TBC1D5: variants seen among roughly 807,000 people sequenced by gnomAD.
TBC1D5 encodes the protein TBC1 domain family member 5.
A neutral mutation model predicts 100.3 loss-of-function variants in TBC1D5; 75 were observed. The ratio of observed to expected loss-of-function variants is 0.75; its 90% CI spans 0.62 to 0.91. The LOEUF is 0.91. TBC1D5 is among the 40% of genes least tolerant of loss of function. The pLI is 0.00. For synonymous variants in TBC1D5, 323 were observed against 325.6 expected, an observed-to-expected ratio of 0.99 and a Z score of 0.09; for missense variants, 910 against 942.4, an observed-to-expected ratio of 0.97 and a Z score of 0.45.
In TBC1D5 at chr3:17,632,622, G is replaced by A. The variant is rs536948726; in HGVS notation, c.-100-8709C>T. 6.0e-4 allele frequency among the ~76,000 whole-genome samples: 91 copies of A among 152,232 alleles called. 2 individuals carry two copies. Among genetic ancestry groups the A allele is most frequent in the Admixed American group, 3.0e-3 (46 of 15,278 alleles). On this transcript the variant is annotated intron_variant, in intron 1 of 21. Transcript: ENST00000253692. ...TATTTTAAGAAATTGCTACAGACAAGCCAACCTTCAGCAACCACCACCCTG... is the reference window on the plus strand; with the variant it reads ...TATTTTAAGAAATTGCTACAGACAAACCAACCTTCAGCAACCACCACCCTG...
At chr3:17,690,147 T>C (rs1053584476) in intron 1 of TBC1D5, among the ~76,000 whole-genome samples, 3 of 150,060 alleles carry the variant, frequency 2.0e-5, no homozygotes, top group Non-Finnish European at 4.4e-5. Context: ...CAAAGAAATA[T>C]GGAAAAATAA....
At chr3:17,318,684 AT>A (rs1238800312) in intron 13 of TBC1D5, among the ~76,000 whole-genome samples, 3 of 152,164 alleles carry the variant, frequency 2.0e-5, no homozygotes, top group Non-Finnish European at 4.4e-5. Context: ...TGTTTTTTCT[AT>A]TCTTTTATAT....
intron 3 of TBC1D5, among the ~76,000 whole-genome samples, chr3:17,498,057 A>T (rs1436438128): frequency 1.3e-5 from 2 of 152,106 alleles, no homozygotes; most frequent in Non-Finnish European, 2.9e-5. Context: ...TGTCCACTTA[A>T]AATAAATAAC....
chr3:17,680,627 T>C (rs895137237), intron 1 of TBC1D5, among the ~76,000 whole-genome samples: 22 of 151,386 alleles, frequency 1.5e-4, no homozygotes, highest in Non-Finnish European at 2.4e-4. Flanking sequence ...ATGTCTTTTA[T>C]ATAATTTGTG....
intron 2 of TBC1D5, among the ~76,000 whole-genome samples, chr3:17,568,931 A>T (rs146627667): frequency 1.1e-4 from 16 of 151,714 alleles, no homozygotes; most frequent in East Asian, 5.8e-4. Context: ...CAAAAAAGTC[A>T]CGGATCTGCC....
At chr3:17,227,439 G>GT (rs1024247423) in intron 17 of TBC1D5, among the ~76,000 whole-genome samples, 1 of 152,046 alleles carries the variant, frequency 6.6e-6, no homozygotes, top group Non-Finnish European at 1.5e-5. Flanking sequence ...TTATTTCAAT[G>GT]TTTTTTTGGG....
chr3:17,339,711 T>C (rs930139727), intron 13 of TBC1D5, among the ~76,000 whole-genome samples: 1 of 152,244 alleles, frequency 6.6e-6, no homozygotes, highest in Non-Finnish European at 1.5e-5. Context: ...AAAAATTTAC[T>C]GCCTACAGTA....
intron 9 of TBC1D5, among the ~76,000 whole-genome samples, chr3:17,377,021 T>C (rs866673158): frequency 1.3e-5 from 2 of 152,242 alleles, no homozygotes; most frequent in South Asian, 4.1e-4. Context: ...CTAAGGAAAT[T>C]ACATCCAATG....
chr3:17,437,797 C>G (rs1025835555), intron 3 of TBC1D5, among the ~76,000 whole-genome samples: 1 of 152,076 alleles, frequency 6.6e-6, no homozygotes, highest in Admixed American at 6.6e-5. Flanking sequence ...CTAGATTATT[C>G]TGATGATACA....
At chr3:17,514,367 CT>C (rs1411085096) in intron 2 of TBC1D5, among the ~76,000 whole-genome samples, 2 of 152,176 alleles carry the variant, frequency 1.3e-5, no homozygotes, top group African/African-American at 2.4e-5. Flanking sequence ...AATATCACCC[CT>C]TGGTAAAACC....
At chr3:17,298,972 A>G (rs1173486793) in intron 14 of TBC1D5, among the ~76,000 whole-genome samples, 7 of 152,230 alleles carry the variant, frequency 4.6e-5, no homozygotes, top group African/African-American at 1.7e-4. Context: ...GCTTTTTTCT[A>G]TACATACATA....
intron 5 of TBC1D5, among the ~76,000 whole-genome samples, chr3:17,405,580 A>G (rs1391374690): frequency 6.6e-6 from 1 of 152,066 alleles, no homozygotes; most frequent in Non-Finnish European, 1.5e-5. Context: ...AAGATAGTAA[A>G]AGTTAACAGG....
intron 1 of TBC1D5, chr3:17,672,740 A>G (rs932352418): frequency 2.6e-5 from 4 of 152,236 alleles, no homozygotes; most frequent in Non-Finnish European, 5.9e-5. Flanking sequence ...GAAAAAAGAA[A>G]GCAAAATACT....
chr3:17,358,976 A>G (rs2091468948), intron 13 of TBC1D5, among the ~76,000 whole-genome samples: 1 of 152,084 alleles, frequency 6.6e-6, no homozygotes. Context: ...GAAATAAAAT[A>G]CATATACATG....
chr3:17,328,473 C>T (rs2086455707), intron 13 of TBC1D5, among the ~76,000 whole-genome samples: 1 of 152,084 alleles, frequency 6.6e-6, no homozygotes, highest in Non-Finnish European at 1.5e-5. Flanking sequence ...ATCTAGCAGG[C>T]CACTGACAAA....
At chr3:17,457,258 C>A (rs2095109090) in intron 3 of TBC1D5, among the ~76,000 whole-genome samples, 1 of 152,060 alleles carries the variant, frequency 6.6e-6, no homozygotes, top group South Asian at 2.1e-4. Context: ...AAATTATTAG[C>A]CATTATTTCT....
At chr3:17,192,107 T>G (rs1553608316) in intron 18 of TBC1D5, among the ~76,000 whole-genome samples, 1 of 152,108 alleles carries the variant, frequency 6.6e-6, no homozygotes, top group Non-Finnish European at 1.5e-5. Context: ...TTTCAAATGG[T>G]GGAATTATGG....
intron 3 of TBC1D5, among the ~76,000 whole-genome samples, chr3:17,485,012 A>C (rs1454779103): frequency 6.6e-6 from 1 of 152,130 alleles, no homozygotes; most frequent in Non-Finnish European, 1.5e-5. Flanking sequence ...AGATATGATA[A>C]ACATAAGATG....
intron 14 of TBC1D5, among the ~76,000 whole-genome samples, chr3:17,303,867 C>G (rs1353677835): frequency 1.7e-5 from 2 of 120,326 alleles, no homozygotes; most frequent in African/African-American, 6.6e-5. Flanking sequence ...TTTTTGAGGC[C>G]AGGTACCACT....
Sources: gnomAD v4.1 joint callset for allele counts (sites outside exome capture counted in the v4.1 genomes callset) on GRCh38, gnomAD v4.1.1 for gene constraint, MANE v1.5 for transcripts, NCBI Gene and HGNC (gene_info 2026-07-23, HGNC 2026-07-21) for gene names.